Variants in ALCAM observed in about 807,000 individuals in gnomAD.
ALCAM encodes activated leukocyte cell adhesion molecule, also known as CD166 antigen.
ALCAM carries 30 observed loss-of-function variants against 70.9 expected under a neutral mutation model. The observed-to-expected ratio is 0.42, with a 90% CI of 0.32 to 0.57. ALCAM has a LOEUF of 0.57. ALCAM is among the 20% of genes least tolerant of loss of function. The pLI is 0.11. For missense variants in ALCAM, 591 were observed against 695.1 expected, an observed-to-expected ratio of 0.85 and a Z score of 1.68; for synonymous variants, 249 against 242.5, an observed-to-expected ratio of 1.03 and a Z score of -0.25.
intron 15 of ALCAM, 121 bp downstream of exon 15, chr3:105,572,085 G>C (rs1651114896): frequency 6.8e-6 from 4 of 591,060 alleles, no homozygotes; most frequent in Non-Finnish European, 8.7e-6. Flanking sequence ...GGAAGAGAGG[G>C]GTTTTTTTTC....
chr3:105,523,168 A>G (rs1383326491), intron 2 of ALCAM, among the ~76,000 whole-genome samples: 1 of 135,090 alleles, frequency 7.4e-6, no homozygotes, highest in East Asian at 2.2e-4. Flanking sequence ...AAAAAAAAAG[A>G]AAGCCCAAAG....
chr3:105,574,059 C>T (rs937011157), intron 15 of ALCAM, among the ~76,000 whole-genome samples: 2 of 152,028 alleles, frequency 1.3e-5, no homozygotes, highest in African/African-American at 4.8e-5. Context: ...TTCCACTTCT[C>T]TAGGGTTCTT....
At chr3:105,473,921 G>C (rs781696582) in intron 1 of ALCAM, among the ~76,000 whole-genome samples, 6 of 150,946 alleles carry the variant, frequency 4.0e-5, no homozygotes, top group Admixed American at 1.3e-4. Context: ...CTGCCTTCTT[G>C]TGTCTGTCAC....
At chr3:105,443,959 G>A (rs1305342791) in intron 1 of ALCAM, among the ~76,000 whole-genome samples, 2 of 152,102 alleles carry the variant, frequency 1.3e-5, no homozygotes, top group African/African-American at 4.8e-5. Context: ...AGAAATTCTA[G>A]GGTAATTTTA....
intron 1 of ALCAM, among the ~76,000 whole-genome samples, chr3:105,403,522 T>G (rs1936144970): frequency 1.3e-5 from 2 of 151,898 alleles, no homozygotes. Flanking sequence ...GCCCCACTCC[T>G]AGGAGAAGGG....
chr3:105,393,658 T>G (rs1453527378), intron 1 of ALCAM, among the ~76,000 whole-genome samples: 1 of 151,926 alleles, frequency 6.6e-6, no homozygotes, highest in Admixed American at 6.6e-5. Flanking sequence ...AGAAATTGTT[T>G]ACATTGTTTA....
At chr3:105,492,592 A>G in intron 1 of ALCAM, among the ~76,000 whole-genome samples, 1 of 152,246 alleles carries the variant, frequency 6.6e-6, no homozygotes, top group East Asian at 1.9e-4. Flanking sequence ...AGCAGGGTAT[A>G]TGGATAGACT....
intron 1 of ALCAM, among the ~76,000 whole-genome samples, chr3:105,476,454 A>G (rs1938113496): frequency 6.6e-6 from 1 of 152,106 alleles, no homozygotes; most frequent in Non-Finnish European, 1.5e-5. Flanking sequence ...TAAATTTATT[A>G]TATCCCAATA....
intron 1 of ALCAM, among the ~76,000 whole-genome samples, chr3:105,478,774 T>G (rs939489353): frequency 6.6e-6 from 1 of 152,124 alleles, no homozygotes; most frequent in African/African-American, 2.4e-5. Context: ...CTTAAAGAGA[T>G]AATAAAAAGA....
At chr3:105,463,138 G>T (rs1248835494) in intron 1 of ALCAM, among the ~76,000 whole-genome samples, 1 of 151,336 alleles carries the variant, frequency 6.6e-6, no homozygotes, top group Non-Finnish European at 1.5e-5. Flanking sequence ...CACGAAAAGG[G>T]ATACAAATCA....
At chr3:105,468,600 G>A (rs1937819203) in intron 1 of ALCAM, among the ~76,000 whole-genome samples, 1 of 151,274 alleles carries the variant, frequency 6.6e-6, no homozygotes, top group Admixed American at 6.6e-5. Context: ...GGCAGTACAT[G>A]TAAGGTTGCT....
At chr3:105,400,121 G>T (rs556126194) in intron 1 of ALCAM, among the ~76,000 whole-genome samples, 6 of 152,086 alleles carry the variant, frequency 3.9e-5, no homozygotes, top group Non-Finnish European at 8.8e-5. Flanking sequence ...TCCTGTTAAG[G>T]CTGATAAAAG....
rs749625480 is a variant in ALCAM at position 105,563,667 on chromosome 3, C to CTTTTTTTTT, written c.1665-8162_1665-8154dup. On this transcript the variant is annotated intron_variant, in intron 14 of 15. Coordinates refer to ENST00000306107, the MANE Select transcript of ALCAM (RefSeq NM_001627.4). The stretch of plus-strand genomic sequence containing the variant: ...GACCTGTATGAAATTCCAAGCATTT[C>CTTTTTTTTT]TTTTTTTTTTTTTTTTTTTTTTTTT... Among the ~76,000 whole-genome samples the CTTTTTTTTT allele has an allele frequency of 1.4e-3, 74 of 52,046 alleles. 14 individuals carry two copies. The highest frequency in any genetic ancestry group is 3.6e-3 in the African/African-American group (36 of 9,896). 34.1% of individuals were successfully genotyped at this position (52,046 alleles called of 152,430 possible).
At position 105,576,186 on chromosome 3, in the gene ALCAM, A is replaced by T. The variant is rs528702228; in HGVS notation, c.*1735A>T. 6.6e-5 allele frequency: 10 copies of T among 152,582 alleles called. No individual in the cohort carries two copies. The highest frequency in any genetic ancestry group is 1.0e-4 in the Non-Finnish European group (7 of 68,010). 9.5% of individuals were successfully genotyped at this position (152,582 alleles called of 1,614,324 possible). ...ATTGAAGTTTTATTTGGCAGGAAAAAAAATTGAATCTTGGTCAACATTTAA... is the reference window on the plus strand; with the variant it reads ...ATTGAAGTTTTATTTGGCAGGAAAATAAATTGAATCTTGGTCAACATTTAA... On this transcript the variant is annotated 3_prime_UTR_variant, in exon 16 of 16. Coordinates refer to ENST00000306107, the MANE Select transcript of ALCAM (RefSeq NM_001627.4).
chr3:105,503,243 C>G (rs930702554), intron 1 of ALCAM, among the ~76,000 whole-genome samples: 6 of 152,228 alleles, frequency 3.9e-5, no homozygotes. Context: ...TAGTCTCAAG[C>G]TTTTCCAAAG....
chr3:105,441,420 G>C (rs1048228651), intron 1 of ALCAM, among the ~76,000 whole-genome samples: 1 of 152,126 alleles, frequency 6.6e-6, no homozygotes, highest in African/African-American at 2.4e-5. Flanking sequence ...GACTAGATGA[G>C]AACATTGCCA....
intron 1 of ALCAM, among the ~76,000 whole-genome samples, chr3:105,410,827 TGGGG>T (rs1936368211): frequency 9.9e-6 from 1 of 101,474 alleles, no homozygotes; most frequent in Non-Finnish European, 2.0e-5. Flanking sequence ...GAAATGATTG[TGGGG>T]CACTTTGAAA....
intron 1 of ALCAM, among the ~76,000 whole-genome samples, chr3:105,500,873 T>C (rs1479548183): frequency 2.6e-5 from 4 of 152,202 alleles, no homozygotes; most frequent in Non-Finnish European, 5.9e-5. Flanking sequence ...TGGAGTCTTC[T>C]TATCTGCCAA....
At chr3:105,460,507 G>A (rs1417902433) in intron 1 of ALCAM, among the ~76,000 whole-genome samples, 5 of 151,966 alleles carry the variant, frequency 3.3e-5, no homozygotes, top group Admixed American at 6.6e-5. Flanking sequence ...TTTCACTATT[G>A]ACTGTAAATT....
Sources: allele counts gnomAD v4.1 joint callset (sites outside exome capture counted in the v4.1 genomes callset), GRCh38; gene constraint gnomAD v4.1.1; transcripts MANE v1.5; gene names NCBI Gene and HGNC (gene_info 2026-07-23, HGNC 2026-07-21).